AFAP1: variants seen among roughly 807,000 people sequenced by gnomAD.
AFAP1 encodes the protein actin filament-associated protein 1.
AFAP1 carries 75 observed loss-of-function variants against 93.9 expected under a neutral mutation model. That is an observed-to-expected ratio of 0.80 (90% CI 0.66 to 0.97). The LOEUF (loss-of-function observed/expected upper bound fraction) is 0.97. Among genes scored for constraint, AFAP1 ranks in the 50% least tolerant of loss-of-function variants. The pLI is 0.00. For synonymous variants in AFAP1, 517 were observed against 430.7 expected, an observed-to-expected ratio of 1.20 and a Z score of -2.48; for missense variants, 1,201 against 1,050.8, an observed-to-expected ratio of 1.14 and a Z score of -1.98.
At chr4:7,805,758 T>A (rs1467420811) in intron 9 of AFAP1, among the ~76,000 whole-genome samples, 1 of 152,226 alleles carries the variant, frequency 6.6e-6, no homozygotes, top group Non-Finnish European at 1.5e-5. Flanking sequence ...AGTGAGCCAA[T>A]GAGCCCCTGT....
intron 6 of AFAP1, among the ~76,000 whole-genome samples, chr4:7,830,694 A>C (rs558943617): frequency 6.6e-6 from 1 of 152,208 alleles, no homozygotes; most frequent in Non-Finnish European, 1.5e-5. Context: ...CTGAAACCTC[A>C]AACTCCTGGG....
At chr4:7,865,211 C>T (rs781362206) in intron 3 of AFAP1, among the ~76,000 whole-genome samples, 3 of 152,152 alleles carry the variant, frequency 2.0e-5, no homozygotes, top group Non-Finnish European at 2.9e-5. Flanking sequence ...CATCAAAACA[C>T]AGTGATTTTT....
chr4:7,842,069 A>G lies in AFAP1; in HGVS notation c.546+1070T>C, dbSNP rs1434234434. Among the ~76,000 whole-genome samples, 3 of 152,172 alleles carry G rather than the reference A, an allele frequency of 2.0e-5. No individual in the cohort carries two copies. The East Asian group carries it at 5.8e-4, about 29-fold the overall frequency. On this transcript the variant is annotated intron_variant, in intron 5 of 17. Transcript: ENST00000420658. ...TATATCCACATCTTGTAGCCATTAT[A>G]TCAGACTGGAAATAAGGACCACATT...
Position 7,898,484 on chromosome 4 carries a change from C to T in AFAP1, c.-2-26404G>A, listed in dbSNP as rs116342695. Among the ~76,000 whole-genome samples the T allele has an allele frequency of 6.7e-3, 1,026 of 152,052 alleles. 11 individuals are homozygous for T. Among genetic ancestry groups the T allele is most frequent in the Middle Eastern group, 0.02 (6 of 294 alleles). ...ACCCTACCCTGCATTCTACCTTCCA[C>T]TCTCAAACATTTCAGGAAAAAAAAA... On this transcript the variant is annotated intron_variant, in intron 1 of 17. Coordinates refer to ENST00000420658, the MANE Select transcript of AFAP1 (RefSeq NM_001134647.2).
chr4:7,889,341 G>A (rs1718308076), intron 1 of AFAP1, among the ~76,000 whole-genome samples: 1 of 151,782 alleles, frequency 6.6e-6, no homozygotes, highest in African/African-American at 2.4e-5. Context: ...GAGGTCAGGA[G>A]ATCCAGATCA....
At chr4:7,926,852 C>T (rs1044444579) in intron 1 of AFAP1, among the ~76,000 whole-genome samples, 1 of 152,244 alleles carries the variant, frequency 6.6e-6, no homozygotes, top group Non-Finnish European at 1.5e-5. Context: ...TCTCCCGCCT[C>T]AGCCTCCCAA....
At chr4:7,795,718 A>G (rs887058697) in intron 10 of AFAP1, among the ~76,000 whole-genome samples, 5 of 152,012 alleles carry the variant, frequency 3.3e-5, no homozygotes, top group African/African-American at 1.2e-4. Flanking sequence ...GGCAAACAAA[A>G]TCTATATTGA....
intron 6 of AFAP1, among the ~76,000 whole-genome samples, chr4:7,829,462 G>T (rs1330849560): frequency 6.6e-6 from 1 of 152,162 alleles, no homozygotes; most frequent in South Asian, 2.1e-4. Context: ...GCTGAGCAAG[G>T]GTAGTTATTA....
intron 9 of AFAP1, among the ~76,000 whole-genome samples, chr4:7,804,699 G>C (rs1382602226): frequency 2.6e-5 from 4 of 152,140 alleles, no homozygotes; most frequent in African/African-American, 9.7e-5. Context: ...TTCTCTTTAG[G>C]AAGGGAAATG....
In AFAP1 at chr4:7,843,148, G is replaced by A. The variant is rs762121873; in HGVS notation, c.537C>T (p.Thr179=). The A allele has an allele frequency of 1.2e-6, 2 of 1,613,956 alleles. No homozygotes were observed. The highest frequency in any genetic ancestry group is 1.1e-5 in the South Asian group (1 of 91,062). ...WTKLLCVIKD[T]KLLCYKSSKD... is the part of the protein sequence containing the mutation. ...ATTCCAAATGTCTTACCAGCAGTTT[G>A]GTGTCTTTGATGACGCAGAGCAACT... Residue 179 remains threonine (T), a synonymous_variant, in exon 5 of 18, where the codon ACC becomes ACT. Transcript: ENST00000420658.
chr4:7,763,726 G>A lies in AFAP1; in HGVS notation c.*39C>T. On this transcript the variant is annotated 3_prime_UTR_variant, in exon 18 of 18. Coordinates refer to ENST00000420658, the MANE Select transcript of AFAP1 (RefSeq NM_001134647.2). Reference sequence around the variant, plus strand: ...ACACAGATGAGGATACAGGCAAGGGGGTGTGCAGTCTCTGAGGCTGGAGTG... The same window carrying A: ...ACACAGATGAGGATACAGGCAAGGGAGTGTGCAGTCTCTGAGGCTGGAGTG... 6.4e-7 allele frequency: 1 copy of A among 1,551,306 alleles called. No individual in the cohort carries two copies. Among genetic ancestry groups the A allele is most frequent in the Admixed American group, 2.0e-5 (1 of 50,998 alleles).
chr4:7,925,837 C>G (rs937081854), intron 1 of AFAP1, among the ~76,000 whole-genome samples: 7 of 102,780 alleles, frequency 6.8e-5, no homozygotes, highest in African/African-American at 2.4e-4. Context: ...AAGAGCGAAA[C>G]TCTGTCTCAA....
chr4:7,857,492 A>G (rs894663757), intron 3 of AFAP1, among the ~76,000 whole-genome samples: 3 of 151,710 alleles, frequency 2.0e-5, no homozygotes, highest in African/African-American at 7.3e-5. Flanking sequence ...ATTCCTTTGC[A>G]CTCCTATCAG....
chr4:7,809,847 T>G (rs1719858989), intron 8 of AFAP1, 84 bp from the exon 9 acceptor site: 1 of 1,491,654 alleles, frequency 6.7e-7, no homozygotes. Flanking sequence ...AACCCATTTC[T>G]TCTTTCCCTT....
intron 9 of AFAP1, among the ~76,000 whole-genome samples, chr4:7,801,876 T>G (rs1463981954): frequency 1.6e-5 from 2 of 126,646 alleles, no homozygotes; most frequent in Non-Finnish European, 1.5e-5. Context: ...AGGTTAGGAG[T>G]TCAAGATCAG....
intron 1 of AFAP1, among the ~76,000 whole-genome samples, chr4:7,901,865 A>G (rs1262282430): frequency 6.6e-6 from 1 of 152,202 alleles, no homozygotes; most frequent in Non-Finnish European, 1.5e-5. Context: ...TATCTACGTG[A>G]TCATCTAGAA....
intron 12 of AFAP1, among the ~76,000 whole-genome samples, chr4:7,784,482 A>G (rs559100752): frequency 2.0e-5 from 3 of 152,330 alleles, no homozygotes; most frequent in African/African-American, 4.8e-5. Flanking sequence ...CTCCTGGCAC[A>G]GAGTCTGGCC....
chr4:7,898,500 G>GA (rs1228970051), intron 1 of AFAP1, among the ~76,000 whole-genome samples: 10 of 150,672 alleles, frequency 6.6e-5, no homozygotes, highest in Admixed American at 1.3e-4. Flanking sequence ...AACATTTCAG[G>GA]AAAAAAAAAT....
chr4:7,776,721 G>A (rs1290520259), intron 14 of AFAP1: 2 of 152,212 alleles, frequency 1.3e-5, no homozygotes, highest in Non-Finnish European at 2.9e-5. Flanking sequence ...AGCGTCGGCA[G>A]CCTGAGGAGA....
Sources: gnomAD v4.1 joint callset for allele counts (sites outside exome capture counted in the v4.1 genomes callset) on GRCh38, gnomAD v4.1.1 for gene constraint, MANE v1.5 for transcripts, NCBI Gene and HGNC (gene_info 2026-07-23, HGNC 2026-07-21) for gene names.